The following NFIL3 variants were observed in gnomAD, a reference collection of about 807,000 sequenced individuals.
NFIL3 encodes the protein nuclear factor interleukin-3-regulated protein.
NFIL3 carries 5 observed loss-of-function variants against 10.0 expected under a neutral mutation model. The observed-to-expected ratio is 0.50, with a 90% confidence interval of 0.26 to 1.06. NFIL3 has a LOEUF of 1.06. Among genes scored for constraint, NFIL3 ranks in the 50% least tolerant of loss-of-function variants. The pLI is 0.13. For missense variants in NFIL3, 436 were observed against 547.6 expected (o/e 0.80, Z 2.03); for synonymous variants, 202 against 206.5 (o/e 0.98, Z 0.19).
the NFIL3 span, among the ~76,000 whole-genome samples, chr9:91,437,306 T>C: frequency 6.6e-6 from 1 of 152,260 alleles, no homozygotes; most frequent in African/African-American, 2.4e-5. Flanking sequence ...TGGTATTTGA[T>C]GTATTACATG....
chr9:91,434,665 A>G, the NFIL3 span, among the ~76,000 whole-genome samples: 1 of 152,210 alleles, frequency 6.6e-6, no homozygotes, highest in Non-Finnish European at 1.5e-5. Context: ...ATTCTAGAAA[A>G]AGGTTTAACA....
At chr9:91,448,665 G>A in the NFIL3 span, among the ~76,000 whole-genome samples, 1 of 152,160 alleles carries the variant, frequency 6.6e-6, no homozygotes, top group South Asian at 2.1e-4. Context: ...TTAAAACTGG[G>A]AAGTGTGAGT....
At chr9:91,461,288 T>G in the NFIL3 span, among the ~76,000 whole-genome samples, 1 of 152,230 alleles carries the variant, frequency 6.6e-6, no homozygotes, top group Non-Finnish European at 1.5e-5. Context: ...TAACCTAGTT[T>G]GACTTCTTAA....
the NFIL3 span, among the ~76,000 whole-genome samples, chr9:91,460,071 TTCTCCCCAGCAACCTC>T: frequency 6.9e-6 from 1 of 145,236 alleles, no homozygotes; most frequent in Admixed American, 6.7e-5. Flanking sequence ...TTGAGCTCCC[TTCTCCCCAGCAACCTC>T]TCTCCCCAGC....
At chr9:91,471,698 T>C in the NFIL3 span, among the ~76,000 whole-genome samples, 1 of 152,058 alleles carries the variant, frequency 6.6e-6, no homozygotes, top group African/African-American at 2.4e-5. Context: ...ATTTAACCCA[T>C]TTACATTTAA....
At chr9:91,470,409 G>A in the NFIL3 span, among the ~76,000 whole-genome samples, 8 of 30,432 alleles carry the variant, frequency 2.6e-4, no homozygotes, top group African/African-American at 7.2e-4. Flanking sequence ...GTGTCTATTT[G>A]ATTCTTCTCT....
chr9:91,473,783 T>C, the NFIL3 span, among the ~76,000 whole-genome samples: 1 of 152,246 alleles, frequency 6.6e-6, no homozygotes, highest in Non-Finnish European at 1.5e-5. Flanking sequence ...ATCACCTGTC[T>C]TCTGCATCGA....
Position 91,409,446 on chromosome 9 carries a change from T to C in NFIL3, c.1289A>G (p.Asn430Ser). The change falls in exon 2 of 2, where the codon AAC becomes AGC. Residue 430 changes from asparagine (N) to serine (S), a missense_variant. By Grantham distance (46) the Asn-to-Ser change is conservative (BLOSUM62 1). Around this residue, in one of 3 missense-constraint regions of NFIL3, gnomAD observed 338 missense variants for 399.9 expected, o/e 0.85. Transcript: ENST00000297689. ...DSGYKVSDPE[N>S]LYLKQGIANL... ...TGCTATCCCCTGCTTCAAATACAAG[T>C]TCTCTGGGTCAGAAACTTTGTAGCC... The C allele has an allele frequency of 4.3e-6, 7 of 1,614,144 alleles. No individual in the cohort carries two copies. The highest frequency in any genetic ancestry group is 5.9e-6 in the Non-Finnish European group (7 of 1,180,030).
At chr9:91,473,008 C>T in the NFIL3 span, among the ~76,000 whole-genome samples, 4,779 of 152,204 alleles carry the variant, frequency 0.031, 223 homozygotes, top group African/African-American at 0.11. Context: ...CACTCCAGAC[C>T]CTGTTTGCCT....
the NFIL3 span, among the ~76,000 whole-genome samples, chr9:91,445,015 ACT>A: frequency 6.6e-6 from 1 of 151,890 alleles, no homozygotes; most frequent in East Asian, 1.9e-4. Flanking sequence ...GGTTCAGTTC[ACT>A]CTCTGAGGCA....
chr9:91,437,201 T>C, the NFIL3 span, among the ~76,000 whole-genome samples: 2,045 of 152,316 alleles, frequency 0.013, 48 homozygotes, highest in East Asian at 0.078. Context: ...GGCCTGGGGA[T>C]TAAAGAACAC....
chr9:91,410,796 A>C lies in NFIL3; in HGVS notation c.-62T>G. On this transcript the variant is annotated 5_prime_UTR_variant, in exon 2 of 2. Coordinates refer to ENST00000297689, the MANE Select transcript of NFIL3 (RefSeq NM_005384.3). This position sits in a 1 kb window ranked among gnomAD's most constrained non-coding sequence, Gnocchi z 5.7. ...ACAAATTAATTTCCCCGTATTCTCA[A>C]GCTCTTTAAAAACTCTGGTTTAAAA... 6.8e-7 allele frequency: 1 copy of C among 1,470,458 alleles called. No homozygotes were observed. 91.1% of individuals were successfully genotyped at this position (1,470,458 alleles called of 1,614,324 possible).
the NFIL3 span, among the ~76,000 whole-genome samples, chr9:91,439,110 A>G: frequency 3.0e-3 from 451 of 152,292 alleles, 1 homozygote; most frequent in African/African-American, 0.01. Context: ...GCTTTGGTTA[A>G]CAGACAATTT....
At chr9:91,457,648 CT>C in the NFIL3 span, among the ~76,000 whole-genome samples, 2 of 152,004 alleles carry the variant, frequency 1.3e-5, no homozygotes, top group Non-Finnish European at 2.9e-5. Flanking sequence ...AGTTTTACTT[CT>C]TCCTTTCCAA....
chr9:91,454,117 C>T, the NFIL3 span, among the ~76,000 whole-genome samples: 4 of 151,610 alleles, frequency 2.6e-5, no homozygotes, highest in Non-Finnish European at 5.9e-5. Context: ...GCCTGTAGTC[C>T]CAGCTACTCA....
the NFIL3 span, among the ~76,000 whole-genome samples, chr9:91,452,067 A>T: frequency 6.6e-6 from 1 of 152,166 alleles, no homozygotes; most frequent in Non-Finnish European, 1.5e-5. Flanking sequence ...AACCTGGAAA[A>T]CTAGTTTAGG....
chr9:91,481,030 A>C, the NFIL3 span, among the ~76,000 whole-genome samples: 1 of 152,152 alleles, frequency 6.6e-6, no homozygotes, highest in South Asian at 2.1e-4. Flanking sequence ...TCCACATTTC[A>C]TTTCCTTTTT....
the NFIL3 span, among the ~76,000 whole-genome samples, chr9:91,477,793 C>T: frequency 2.3e-4 from 35 of 152,082 alleles, no homozygotes; most frequent in African/African-American, 7.5e-4. Context: ...AGATTGAGCA[C>T]ATTCCTAGGT....
chr9:91,433,864 T>A, the NFIL3 span, among the ~76,000 whole-genome samples: 2 of 151,988 alleles, frequency 1.3e-5, no homozygotes, highest in Non-Finnish European at 2.9e-5. Flanking sequence ...ATTTAAAATA[T>A]ACTTGGGAAA....
Sources: gnomAD v4.1 joint callset for allele counts (sites outside exome capture counted in the v4.1 genomes callset) on GRCh38, gnomAD v4.1.1 for gene constraint, gnomAD v4.1.1 regional missense constraint, Gnocchi (gnomAD v3.1) non-coding constraint, MANE v1.5 for transcripts, NCBI Gene and HGNC (gene_info 2026-07-23, HGNC 2026-07-21) for gene names.